Variants in CSMD3 observed in about 807,000 individuals in gnomAD.
CSMD3 encodes CUB and Sushi multiple domains 3.
Under a neutral mutation model 435.2 loss-of-function variants are expected in CSMD3, and 177 were observed. The ratio of observed to expected loss-of-function variants is 0.41; its 90% confidence interval spans 0.36 to 0.46. The LOEUF (loss-of-function observed/expected upper bound fraction) is 0.46. CSMD3 is among the 20% of genes least tolerant of loss of function. The pLI, the probability that CSMD3 is intolerant of heterozygous loss-of-function variation, is 0.34. For missense variants in CSMD3, 4,265 were observed against 4,504.6 expected (o/e 0.95, Z 1.52); for synonymous variants, 1,656 against 1,520.5 (o/e 1.09, Z -2.07).
At chr8:112,406,843 TA>T in intron 34 of CSMD3, 116 bp from the exon 35 acceptor site, 1 of 557,916 alleles carries the variant, frequency 1.8e-6, no homozygotes, top group Non-Finnish European at 3.0e-6. Context: ...GAACTTGAAT[TA>T]ACAATTTGAA....
intron 38 of CSMD3, among the ~76,000 whole-genome samples, chr8:112,370,440 C>T (rs1267236510): frequency 6.6e-6 from 1 of 152,176 alleles, no homozygotes; most frequent in Non-Finnish European, 1.5e-5. Flanking sequence ...CTAATGATTT[C>T]CATTTCAATT....
In CSMD3 at chr8:112,336,787, T is replaced by A. The variant is rs781360142; in HGVS notation, c.6884A>T (p.Tyr2295Phe). Residue 2295 changes from tyrosine (Y) to phenylalanine (F), a missense_variant, in exon 44 of 71, where the codon TAT (tyrosine) becomes TTT (phenylalanine). Transcript: ENST00000297405. ...ATATTCATCAGGATACCCAGGAGAA[T>A]AAATGGTGCCATTCATTGCAGTTAT... is the stretch of plus-strand genomic sequence containing the variant. ...GNITAMNGTI[Y>F]SPGYPDEYPN... 3 of 1,613,480 alleles carry A rather than the reference T, an allele frequency of 1.9e-6. No individual in the cohort carries two copies. The Admixed American group carries it at 5.0e-5, about 27-fold the overall frequency.
intron 22 of CSMD3, among the ~76,000 whole-genome samples, chr8:112,596,755 C>T (rs1417236188): frequency 6.6e-6 from 1 of 152,062 alleles, no homozygotes; most frequent in African/African-American, 2.4e-5. Context: ...ACAACCTGCT[C>T]CTGAATGACT....
intron 4 of CSMD3, among the ~76,000 whole-genome samples, chr8:113,122,874 A>T (rs1398788163): frequency 6.6e-6 from 1 of 152,132 alleles, no homozygotes; most frequent in Admixed American, 6.6e-5. Flanking sequence ...AAACATTTGT[A>T]ACATGATTTC....
chr8:113,305,090 G>A (rs1348859760), intron 2 of CSMD3, among the ~76,000 whole-genome samples: 1 of 143,388 alleles, frequency 7.0e-6, no homozygotes, highest in Admixed American at 7.3e-5. Flanking sequence ...TCATAGGTGG[G>A]AACTGAACAG....
chr8:113,006,092 A>G (rs2086045136), intron 6 of CSMD3, among the ~76,000 whole-genome samples: 1 of 152,044 alleles, frequency 6.6e-6, no homozygotes, highest in African/African-American at 2.4e-5. Flanking sequence ...ACACTTGCCA[A>G]TGAACTTTCC....
chr8:113,158,535 T>C (rs2091977644), intron 4 of CSMD3, among the ~76,000 whole-genome samples: 1 of 152,108 alleles, frequency 6.6e-6, no homozygotes, highest in Non-Finnish European at 1.5e-5. Context: ...AAGAATTTCT[T>C]TCTTGGAACA....
intron 13 of CSMD3, among the ~76,000 whole-genome samples, chr8:112,760,270 C>T (rs896902411): frequency 2.0e-5 from 3 of 152,126 alleles, no homozygotes; most frequent in Admixed American, 6.6e-5. Flanking sequence ...TCTTCAAGAG[C>T]AGTCACTGAC....
chr8:113,262,101 A>G (rs1395897439), intron 3 of CSMD3, among the ~76,000 whole-genome samples: 3 of 152,112 alleles, frequency 2.0e-5, no homozygotes, highest in Non-Finnish European at 4.4e-5. Context: ...ATATATATTT[A>G]GAAGATGCAT....
At chr8:112,624,472 C>T (rs1834327225) in intron 22 of CSMD3, among the ~76,000 whole-genome samples, 1 of 151,960 alleles carries the variant, frequency 6.6e-6, no homozygotes, top group Admixed American at 6.6e-5. Context: ...TTCAAATAAA[C>T]AAAGTATGAA....
chr8:112,987,422 TA>T (rs2085295778), intron 6 of CSMD3, among the ~76,000 whole-genome samples: 1 of 152,104 alleles, frequency 6.6e-6, no homozygotes, highest in Non-Finnish European at 1.5e-5. Flanking sequence ...ATACCAAAAA[TA>T]TTTTTAAAAC....
intron 19 of CSMD3, among the ~76,000 whole-genome samples, chr8:112,648,825 T>C (rs1371677046): frequency 5.9e-5 from 9 of 152,292 alleles, no homozygotes; most frequent in South Asian, 2.1e-4. Context: ...CTGGCAAACA[T>C]AGGACTTTTA....
At chr8:112,719,625 C>T (rs1434524942) in intron 13 of CSMD3, among the ~76,000 whole-genome samples, 1 of 152,024 alleles carries the variant, frequency 6.6e-6, no homozygotes, top group Non-Finnish European at 1.5e-5. Flanking sequence ...TTTTCAAAGG[C>T]CCCGTCTCCA....
chr8:112,823,804 T>C (rs1172914482), intron 12 of CSMD3, among the ~76,000 whole-genome samples: 2 of 152,196 alleles, frequency 1.3e-5, no homozygotes, highest in South Asian at 4.1e-4. Flanking sequence ...TCTGTTGATT[T>C]GGGGTGGAGC....
intron 68 of CSMD3, among the ~76,000 whole-genome samples, chr8:112,232,607 C>A (rs1405695420): frequency 2.6e-5 from 4 of 151,208 alleles, no homozygotes; most frequent in Admixed American, 6.6e-5. Context: ...AGACTCTGCT[C>A]AAAAAAAATG....
chr8:112,448,934 A>G (rs1193506042), intron 32 of CSMD3, among the ~76,000 whole-genome samples: 8 of 152,114 alleles, frequency 5.3e-5, no homozygotes, highest in Non-Finnish European at 1.2e-4. Context: ...TTTGATAGGA[A>G]CTGAAAGGGA....
intron 4 of CSMD3, among the ~76,000 whole-genome samples, chr8:113,156,765 T>TAAATAAAC (rs2091940253): frequency 6.7e-6 from 1 of 148,860 alleles, no homozygotes; most frequent in Non-Finnish European, 1.5e-5. Context: ...AATAAATAAA[T>TAAATAAAC]AAATAAATAA....
intron 27 of CSMD3, among the ~76,000 whole-genome samples, chr8:112,546,371 T>G (rs906258103): frequency 1.4e-4 from 21 of 152,180 alleles, no homozygotes; most frequent in African/African-American, 5.1e-4. Flanking sequence ...GCTAGTCGAC[T>G]GTTAGAGCAG....
chr8:112,892,548 T>A (rs1252860698), intron 10 of CSMD3, among the ~76,000 whole-genome samples: 1 of 151,516 alleles, frequency 6.6e-6, no homozygotes, highest in African/African-American at 2.4e-5. Context: ...TTAAAAGAAG[T>A]AGATACTGAA....
Sources: gnomAD v4.1 joint callset for allele counts (sites outside exome capture counted in the v4.1 genomes callset) on GRCh38, gnomAD v4.1.1 for gene constraint, MANE v1.5 for transcripts, NCBI Gene and HGNC (gene_info 2026-07-23, HGNC 2026-07-21) for gene names.